The following SLC8A1 variants were observed in gnomAD, a reference collection of about 807,000 sequenced individuals.
SLC8A1 encodes sodium/calcium exchanger 1.
Under a neutral mutation model 68.3 loss-of-function variants are expected in SLC8A1, and 18 were observed. The ratio of observed to expected loss-of-function variants is 0.26; its 90% CI spans 0.18 to 0.39. The LOEUF (loss-of-function observed/expected upper bound fraction) is 0.39. SLC8A1 is among the 10% of genes least tolerant of loss of function. The pLI, the probability that SLC8A1 is intolerant of heterozygous loss-of-function variation, is 1.00. For synonymous variants in SLC8A1, 475 were observed against 415.5 expected, an observed-to-expected ratio of 1.14 and a Z score of -1.74; for missense variants, 985 against 1,156.7, an observed-to-expected ratio of 0.85 and a Z score of 2.15.
chr2:40,199,443 T>C (rs1488185965), intron 2 of SLC8A1, among the ~76,000 whole-genome samples: 1 of 151,612 alleles, frequency 6.6e-6, no homozygotes, highest in East Asian at 1.9e-4. Flanking sequence ...ATAAATATTG[T>C]TTGTCTGTAC....
intron 1 of SLC8A1, among the ~76,000 whole-genome samples, chr2:40,496,760 G>C (rs2149931247): frequency 6.6e-6 from 1 of 152,010 alleles, no homozygotes; most frequent in East Asian, 1.9e-4. Flanking sequence ...ATGTGCATGA[G>C]TAATGTTAAA....
At chr2:40,195,734 AT>A (rs1292929196) in intron 2 of SLC8A1, 3 of 152,074 alleles carry the variant, frequency 2.0e-5, no homozygotes, top group Non-Finnish European at 2.9e-5. Flanking sequence ...TAGAATGTAT[AT>A]TAACAGCGTA....
chr2:40,482,555 T>C (rs1261688928), intron 1 of SLC8A1, among the ~76,000 whole-genome samples: 1 of 152,018 alleles, frequency 6.6e-6, no homozygotes, highest in East Asian at 1.9e-4. Flanking sequence ...TTCATCCCTG[T>C]TATTATTTCT....
chr2:40,393,027 T>G (rs758086377), intron 2 of SLC8A1, among the ~76,000 whole-genome samples: 1 of 152,050 alleles, frequency 6.6e-6, no homozygotes, highest in Non-Finnish European at 1.5e-5. Context: ...AAATCAATAG[T>G]GATACTGACT....
chr2:40,355,587 G>A (rs951680177), intron 2 of SLC8A1, among the ~76,000 whole-genome samples: 1 of 152,096 alleles, frequency 6.6e-6, no homozygotes, highest in Non-Finnish European at 1.5e-5. Context: ...GTGTACAGAT[G>A]TTGAGCCCAC....
At chr2:40,377,797 T>C (rs57686441) in intron 2 of SLC8A1, among the ~76,000 whole-genome samples, 58,571 of 151,974 alleles carry the variant, frequency 0.39, 12,593 homozygotes, top group Non-Finnish European at 0.48. Context: ...CTCCCTGTTA[T>C]AGATGACAAA....
intron 6 of SLC8A1, among the ~76,000 whole-genome samples, chr2:40,153,564 T>A (rs1001157310): frequency 3.9e-5 from 6 of 152,196 alleles, no homozygotes; most frequent in African/African-American, 1.4e-4. Context: ...TGGTTTCAAA[T>A]AACTACTATT....
intron 1 of SLC8A1, among the ~76,000 whole-genome samples, chr2:40,433,385 A>G (rs1176303657): frequency 6.6e-6 from 1 of 152,214 alleles, no homozygotes; most frequent in African/African-American, 2.4e-5. Flanking sequence ...AGCAAGTTTC[A>G]AAAGAGCTGA....
intron 6 of SLC8A1, among the ~76,000 whole-genome samples, chr2:40,159,975 G>A (rs1433782267): frequency 2.6e-5 from 4 of 152,070 alleles, no homozygotes; most frequent in African/African-American, 4.8e-5. Context: ...TTGTTAATTC[G>A]TTGCAACTGT....
chr2:40,289,982 T>A (rs896795616), intron 2 of SLC8A1, among the ~76,000 whole-genome samples: 5 of 151,998 alleles, frequency 3.3e-5, no homozygotes, highest in African/African-American at 1.2e-4. Flanking sequence ...TTTTAGGTAG[T>A]TGGTGCTAGG....
At chr2:40,229,155 G>C (rs1374693977) in intron 2 of SLC8A1, among the ~76,000 whole-genome samples, 1 of 151,992 alleles carries the variant, frequency 6.6e-6, no homozygotes, top group East Asian at 1.9e-4. Context: ...CTGTTTACCT[G>C]GCTGCTGATC....
chr2:40,345,001 CTGTT>C (rs147646150), intron 2 of SLC8A1, among the ~76,000 whole-genome samples: 12,923 of 152,142 alleles, frequency 0.085, 790 homozygotes, highest in East Asian at 0.18. Context: ...TTTTGTTTGT[CTGTT>C]TGTTTTCAAA....
chr2:40,344,430 G>C (rs1668637993), intron 2 of SLC8A1, among the ~76,000 whole-genome samples: 1 of 152,078 alleles, frequency 6.6e-6, no homozygotes, highest in African/African-American at 2.4e-5. Context: ...TGTCCGTATA[G>C]ACACAAAAAG....
At chr2:40,327,638 A>G (rs1426702268) in intron 2 of SLC8A1, among the ~76,000 whole-genome samples, 1 of 152,210 alleles carries the variant, frequency 6.6e-6, no homozygotes, top group Non-Finnish European at 1.5e-5. Context: ...CATTATCTTC[A>G]GTGAATTAAT....
intron 2 of SLC8A1, among the ~76,000 whole-genome samples, chr2:40,280,251 T>TAAAAAAAAAAA (rs67427562): frequency 2.1e-5 from 2 of 94,472 alleles, no homozygotes; most frequent in Non-Finnish European, 4.1e-5. Context: ...AAATAAACAC[T>TAAAAAAAAAAA]AAAAAAAAAA....
chr2:40,255,724 T>G (rs1489043443), intron 2 of SLC8A1, among the ~76,000 whole-genome samples: 1 of 152,210 alleles, frequency 6.6e-6, no homozygotes, highest in Admixed American at 6.5e-5. Flanking sequence ...TCTGCCTTAA[T>G]TGACAAACTA....
At chr2:40,432,398 A>T (rs113224837) in intron 1 of SLC8A1, among the ~76,000 whole-genome samples, 1,364 of 76,988 alleles carry the variant, frequency 0.018, 21 homozygotes, top group African/African-American at 0.078. Flanking sequence ...GGAGAGTGTG[A>T]GATTGTGTGT....
intron 2 of SLC8A1, among the ~76,000 whole-genome samples, chr2:40,335,791 G>A (rs1015911126): frequency 3.9e-5 from 6 of 152,226 alleles, no homozygotes; most frequent in African/African-American, 1.4e-4. Flanking sequence ...CTCTGCCTTT[G>A]TCATGATTAT....
chr2:40,164,757 A>T (rs977404152), intron 5 of SLC8A1, 97 bp downstream of exon 8: 2 of 1,465,638 alleles, frequency 1.4e-6, no homozygotes, highest in South Asian at 2.6e-5. Flanking sequence ...TACATCTACT[A>T]CTCTTTCCAG....
Sources: allele counts gnomAD v4.1 joint callset (sites outside exome capture counted in the v4.1 genomes callset), GRCh38; gene constraint gnomAD v4.1.1; transcripts MANE v1.5; gene names NCBI Gene and HGNC (gene_info 2026-07-23, HGNC 2026-07-21).